CDYL2: variants seen among roughly 807,000 people sequenced by gnomAD.
CDYL2 encodes the protein chromodomain Y like 2, also known as chromodomain Y-like protein 2.
CDYL2 carries 23 observed loss-of-function variants against 49.4 expected under a neutral mutation model. That is an observed-to-expected ratio of 0.47 (90% CI 0.34 to 0.66). The LOEUF is 0.66. Ranked by LOEUF, CDYL2 falls within the 30% of genes least tolerant of loss-of-function variation. CDYL2 has a pLI of 0.01. For missense variants in CDYL2, 678 were observed against 656.4 expected (o/e 1.03, Z -0.36); for synonymous variants, 360 against 268.8 (o/e 1.34, Z -3.32).
At chr16:80,703,356 A>G (rs1904314246) in intron 1 of CDYL2, among the ~76,000 whole-genome samples, 2 of 152,110 alleles carry the variant, frequency 1.3e-5, no homozygotes, top group African/African-American at 4.8e-5. Context: ...TTCGACTGTG[A>G]ACCCCACGGC....
chr16:80,604,359 G>T lies in CDYL2; in HGVS notation c.*29C>A, dbSNP rs1906233860. The T allele has an allele frequency of 6.2e-7, 1 of 1,613,276 alleles. No individual in the cohort carries two copies. Among genetic ancestry groups the T allele is most frequent in the Non-Finnish European group, 8.5e-7 (1 of 1,179,728 alleles). On this transcript the variant is annotated 3_prime_UTR_variant, in exon 7 of 7. Transcript: ENST00000570137. ...GTTTCCGAAACACAGGGCAGAGCTG[G>T]AAGTTGGGGGCCCGTGAGCTGGGGC...
At chr16:80,736,738 T>A (rs960433142) in intron 1 of CDYL2, among the ~76,000 whole-genome samples, 4 of 152,152 alleles carry the variant, frequency 2.6e-5, no homozygotes, top group Admixed American at 1.3e-4. Flanking sequence ...TAGTGAGACG[T>A]CATCTCTATT....
intron 2 of CDYL2, among the ~76,000 whole-genome samples, chr16:80,659,886 A>C (rs1908971375): frequency 6.6e-6 from 1 of 152,140 alleles, no homozygotes; most frequent in South Asian, 2.1e-4. Context: ...CTAAGTACCA[A>C]GCAGGACACA....
At chr16:80,738,519 T>C (rs1182780856) in intron 1 of CDYL2, 2 of 152,200 alleles carry the variant, frequency 1.3e-5, no homozygotes, top group Non-Finnish European at 2.9e-5. Flanking sequence ...CAAGAGACTA[T>C]ACATTGTGCC....
chr16:80,652,142 C>T (rs1269863385), intron 2 of CDYL2, among the ~76,000 whole-genome samples: 2 of 152,102 alleles, frequency 1.3e-5, no homozygotes, highest in Non-Finnish European at 2.9e-5. Context: ...TAGCAAAGAA[C>T]ATACCTGGGG....
intron 1 of CDYL2, among the ~76,000 whole-genome samples, chr16:80,756,572 A>G (rs1042222892): frequency 6.6e-6 from 1 of 152,134 alleles, no homozygotes; most frequent in Non-Finnish European, 1.5e-5. Context: ...TGAATTTGAA[A>G]AGGCTGTTAA....
At chr16:80,790,414 AG>A (rs943740041) in intron 1 of CDYL2, among the ~76,000 whole-genome samples, 1 of 152,248 alleles carries the variant, frequency 6.6e-6, no homozygotes, top group Admixed American at 6.5e-5. Context: ...AGAGAAAAAA[AG>A]GGTTTACAGT....
intron 2 of CDYL2, 79 bp downstream of exon 2, chr16:80,684,459 T>C (rs561424671): frequency 1.5e-5 from 20 of 1,341,480 alleles, no homozygotes; most frequent in Admixed American, 8.4e-5. Flanking sequence ...GGGGGTCTTA[T>C]GTATGTCCCT....
chr16:80,802,947 G>C (rs74708174), intron 1 of CDYL2, among the ~76,000 whole-genome samples: 2 of 152,146 alleles, frequency 1.3e-5, no homozygotes, highest in Non-Finnish European at 2.9e-5. Context: ...AAAGCCTTAA[G>C]AACCAGATGG....
chr16:80,712,215 A>ATATATATATATCTC (rs763194077), intron 1 of CDYL2, among the ~76,000 whole-genome samples: 1,876 of 128,300 alleles, frequency 0.015, 44 homozygotes, highest in Middle Eastern at 0.031. Flanking sequence ...ATATATATAT[A>ATATATATATATCTC]TCTCCAAACC....
At chr16:80,721,023 A>AATT (rs1296637510) in intron 1 of CDYL2, among the ~76,000 whole-genome samples, 1 of 152,156 alleles carries the variant, frequency 6.6e-6, no homozygotes, top group African/African-American at 2.4e-5. Flanking sequence ...GAGAGACCCT[A>AATT]AGTGCAGTAA....
At chr16:80,641,741 C>T (rs1482998528) in intron 2 of CDYL2, among the ~76,000 whole-genome samples, 2 of 105,260 alleles carry the variant, frequency 1.9e-5, no homozygotes, top group Non-Finnish European at 3.5e-5. Flanking sequence ...ACTCTGGGGA[C>T]TGTTGTGGGG....
intron 1 of CDYL2, among the ~76,000 whole-genome samples, chr16:80,687,554 A>C (rs763262778): frequency 1.3e-4 from 19 of 150,496 alleles, no homozygotes; most frequent in Non-Finnish European, 1.6e-4. Context: ...AGATGGATGG[A>C]TGGCTGGCTG....
intron 2 of CDYL2, among the ~76,000 whole-genome samples, chr16:80,648,270 GA>G (rs376770336): frequency 6.6e-6 from 1 of 151,966 alleles, no homozygotes; most frequent in African/African-American, 2.4e-5. Flanking sequence ...GCCAGACTAA[GA>G]AAAACAGAGA....
chr16:80,773,901 A>G (rs1906992750), intron 1 of CDYL2, among the ~76,000 whole-genome samples: 1 of 152,134 alleles, frequency 6.6e-6, no homozygotes, highest in Non-Finnish European at 1.5e-5. Flanking sequence ...AGTAGAATGA[A>G]GAAAATAATA....
rs925341213 is a variant in CDYL2 at position 80,662,652 on chromosome 16, A to G, written c.616+21886T>C. On this transcript the variant is annotated intron_variant, in intron 2 of 6. Transcript: ENST00000570137. ...CTTCCTGCAATGATGAAAATGTTCA[A>G]TATCTGCATTGTCTAATACAGTAGG... 6.8e-6 allele frequency: 3 copies of G among 439,866 alleles called. No individual in the cohort carries two copies. In the East Asian group the frequency reaches 2.1e-4, roughly 31 times the overall value. The allele number at this position is 439,866 out of a possible 1,614,324, so 27.2% of individuals were successfully genotyped here.
At chr16:80,662,290 C>CAAA (rs1280451375) in intron 2 of CDYL2, among the ~76,000 whole-genome samples, 2 of 152,150 alleles carry the variant, frequency 1.3e-5, no homozygotes, top group African/African-American at 4.8e-5. Flanking sequence ...ATAGTAACAC[C>CAAA]TTGTGTGGCT....
chr16:80,713,277 C>G (rs191198808), intron 1 of CDYL2, among the ~76,000 whole-genome samples: 14 of 152,322 alleles, frequency 9.2e-5, no homozygotes, highest in African/African-American at 3.1e-4. Context: ...AGTTACAAAA[C>G]AAGCTGTGAG....
intron 1 of CDYL2, among the ~76,000 whole-genome samples, chr16:80,769,066 T>C (rs77308462): frequency 0.027 from 4,137 of 152,280 alleles, 102 homozygotes; most frequent in East Asian, 0.074. Flanking sequence ...ATGGCCTTCA[T>C]CAAGCAGGCC....
Sources: gnomAD v4.1 joint callset for allele counts (sites outside exome capture counted in the v4.1 genomes callset) on GRCh38, gnomAD v4.1.1 for gene constraint, MANE v1.5 for transcripts, NCBI Gene and HGNC (gene_info 2026-07-23, HGNC 2026-07-21) for gene names.